FAM81A: variants seen among roughly 807,000 people sequenced by gnomAD.
The protein encoded by FAM81A is protein FAM81A.
Under a neutral mutation model 46.7 loss-of-function variants are expected in FAM81A, and 19 were observed. That is an observed-to-expected ratio of 0.41 (90% CI 0.28 to 0.60). FAM81A has a LOEUF of 0.60. Among genes scored for constraint, FAM81A ranks in the 20% least tolerant of loss-of-function variants. FAM81A has a pLI of 0.34. For missense variants in FAM81A, 377 were observed against 453.5 expected (o/e 0.83, Z 1.53); for synonymous variants, 183 against 152.9 (o/e 1.20, Z -1.45).
At chr15:59,408,398 T>C (rs2081106088) in intron 2 of FAM81A, among the ~76,000 whole-genome samples, 1 of 152,324 alleles carries the variant, frequency 6.6e-6, no homozygotes, top group Admixed American at 6.5e-5. Flanking sequence ...GATGGCTCCA[T>C]TTAAAATAAA....
At chr15:59,398,542 T>A (rs1226183913) in intron 1 of FAM81A, among the ~76,000 whole-genome samples, 8 of 149,082 alleles carry the variant, frequency 5.4e-5, no homozygotes, top group African/African-American at 2.0e-4. Flanking sequence ...GTGGATCACT[T>A]GAGGCTACAA....
At chr15:59,462,027 C>T (rs570865545) in intron 3 of FAM81A, among the ~76,000 whole-genome samples, 30 of 152,068 alleles carry the variant, frequency 2.0e-4, no homozygotes, top group Admixed American at 1.7e-3. Flanking sequence ...CACAGTGAAA[C>T]CCCATCTCTA....
intron 3 of FAM81A, among the ~76,000 whole-genome samples, chr15:59,491,660 T>C (rs1438046795): frequency 6.6e-6 from 1 of 152,134 alleles, no homozygotes; most frequent in African/African-American, 2.4e-5. Context: ...TGCATGCCTG[T>C]ATCAAAATAG....
chr15:59,425,198 C>T (rs2081189914), intron 2 of FAM81A, among the ~76,000 whole-genome samples: 1 of 152,072 alleles, frequency 6.6e-6, no homozygotes, highest in Non-Finnish European at 1.5e-5. Context: ...AGGGCATAGA[C>T]CACGCAATGA....
At chr15:59,403,405 A>G (rs1186418959) in intron 2 of FAM81A, among the ~76,000 whole-genome samples, 1 of 152,220 alleles carries the variant, frequency 6.6e-6, no homozygotes, top group Admixed American at 6.5e-5. Flanking sequence ...AAGCATAGAC[A>G]GAGAAAAGGC....
chr15:59,510,626 A>T (rs1400868822), intron 6 of FAM81A, among the ~76,000 whole-genome samples: 1 of 151,852 alleles, frequency 6.6e-6, no homozygotes. Context: ...TAAGAACTCA[A>T]AGTTAGCTGG....
chr15:59,461,546 C>T (rs1244323331), intron 3 of FAM81A, among the ~76,000 whole-genome samples: 1 of 152,154 alleles, frequency 6.6e-6, no homozygotes, highest in Non-Finnish European at 1.5e-5. Context: ...GGCTTGAACT[C>T]CTGGGCTCAA....
At chr15:59,482,470 T>G (rs1238403547) in intron 3 of FAM81A, among the ~76,000 whole-genome samples, 1 of 152,180 alleles carries the variant, frequency 6.6e-6, no homozygotes, top group Non-Finnish European at 1.5e-5. Context: ...GGTTTCACCA[T>G]GTTGGCCAGG....
At chr15:59,458,021 C>T (rs1395974768) in intron 1 of FAM81A, among the ~76,000 whole-genome samples, 2 of 152,172 alleles carry the variant, frequency 1.3e-5, no homozygotes. Flanking sequence ...ATCTTTCTCA[C>T]TCCCTTGGTG....
chr15:59,422,321 G>A (rs781092310), intron 2 of FAM81A, among the ~76,000 whole-genome samples: 2 of 152,030 alleles, frequency 1.3e-5, no homozygotes, highest in Non-Finnish European at 2.9e-5. Flanking sequence ...CCAGGAGTTC[G>A]AGGCTGAAGT....
At chr15:59,462,286 C>T (rs2081562112) in intron 3 of FAM81A, among the ~76,000 whole-genome samples, 1 of 151,576 alleles carries the variant, frequency 6.6e-6, no homozygotes. Context: ...GTATGAAGGT[C>T]CCAGTTTCTC....
chr15:59,480,912 A>G (rs914584241), intron 3 of FAM81A, among the ~76,000 whole-genome samples: 1 of 152,160 alleles, frequency 6.6e-6, no homozygotes. Flanking sequence ...CTGTTTTCAT[A>G]TTACTTTCTA....
intron 3 of FAM81A, among the ~76,000 whole-genome samples, chr15:59,477,766 C>A (rs1230213597): frequency 1.3e-5 from 2 of 152,144 alleles, no homozygotes; most frequent in South Asian, 2.1e-4. Context: ...TCAGCAGATA[C>A]CAGTGTCAAA....
intron 4 of FAM81A, among the ~76,000 whole-genome samples, chr15:59,504,900 A>G (rs907259291): frequency 1.3e-5 from 2 of 152,058 alleles, no homozygotes; most frequent in African/African-American, 4.8e-5. Context: ...TATATTTATC[A>G]TTGGTTATCT....
intron 1 of FAM81A, among the ~76,000 whole-genome samples, chr15:59,454,470 C>G (rs546844738): frequency 1.3e-5 from 2 of 152,234 alleles, no homozygotes; most frequent in East Asian, 1.9e-4. Context: ...AAATATTCAT[C>G]TCTATGTATA....
chr15:59,446,453 A>G (rs528853521), intron 1 of FAM81A: 1 of 152,360 alleles, frequency 6.6e-6, no homozygotes, highest in Admixed American at 6.5e-5. Flanking sequence ...CCCTTCAGTT[A>G]TGCAGAAATC....
At chr15:59,444,452 A>G (rs1390109680) in intron 1 of FAM81A, 1 of 152,266 alleles carries the variant, frequency 6.6e-6, no homozygotes, top group Non-Finnish European at 1.5e-5. Context: ...AAGAAAGAGC[A>G]TATTTGATTT....
chr15:59,506,066 T>A (rs1435965803), intron 4 of FAM81A, among the ~76,000 whole-genome samples: 1 of 152,204 alleles, frequency 6.6e-6, no homozygotes, highest in African/African-American at 2.4e-5. Context: ...GCATACTGGG[T>A]GTGACCATCT....
chr15:59,413,232 T>C (rs1268981721), intron 2 of FAM81A, among the ~76,000 whole-genome samples: 2 of 152,044 alleles, frequency 1.3e-5, no homozygotes, highest in Non-Finnish European at 2.9e-5. Context: ...TTCACTGGGC[T>C]CTGGGACATA....
Sources: gnomAD v4.1 joint callset for allele counts (sites outside exome capture counted in the v4.1 genomes callset) on GRCh38, gnomAD v4.1.1 for gene constraint, MANE v1.5 for transcripts, NCBI Gene and HGNC (gene_info 2026-07-23, HGNC 2026-07-21) for gene names.